Variants in ABCC8 observed in about 807,000 individuals in gnomAD.
ABCC8 encodes ATP binding cassette subfamily C member 8.
Under a neutral mutation model 188.0 loss-of-function variants are expected in ABCC8, and 137 were observed. That is an observed-to-expected ratio of 0.73 (90% CI 0.63 to 0.84). The LOEUF is 0.84. Among genes scored for constraint, ABCC8 ranks in the 40% least tolerant of loss-of-function variants. ABCC8 has a pLI of 0.00. For missense variants in ABCC8, 1,750 were observed against 2,072.7 expected, an observed-to-expected ratio of 0.84 and a Z score of 3.02; for synonymous variants, 797 against 846.5, an observed-to-expected ratio of 0.94 and a Z score of 1.01.
At chr11:17,414,701 A>G in intron 18 of ABCC8, 91 bp from the exon 19 acceptor site, 3 of 1,592,488 alleles carry the variant, frequency 1.9e-6, no homozygotes, top group Non-Finnish European at 2.6e-6. Flanking sequence ...GCTCAGATGG[A>G]GGCAAGGGGA....
At position 17,410,521 on chromosome 11, in the gene ABCC8, C is replaced by A; in HGVS notation, c.2689G>T (p.Asp897Tyr). 1 of 1,614,198 alleles carries A rather than the reference C, an allele frequency of 6.2e-7. No individual in the cohort carries two copies. Among genetic ancestry groups the A allele is most frequent in the Non-Finnish European group, 8.5e-7 (1 of 1,180,030 alleles). The change falls in exon 22 of 39, where the codon GAC (aspartate) becomes TAC (tyrosine). Residue 897 changes from aspartate (D) to tyrosine (Y), a missense_variant. Physicochemically the swap from Asp to Tyr is radical, Grantham distance 160. Coordinates refer to ENST00000389817, the MANE Select transcript of ABCC8 (RefSeq NM_000352.6). The part of the protein sequence containing the change: ...THKLQYLPHA[D>Y]WIIAMKDGTI... The stretch of plus-strand genomic sequence containing the variant: ...ACCCCCTTGTTCCCCCTCACCCAGT[C>A]TGCATGGGGCAGGTACTGTAGCTTG...
intron 12 of ABCC8, chr11:17,428,958 A>G (rs141847915): frequency 7.7e-6 from 4 of 520,678 alleles, no homozygotes; most frequent in African/African-American, 5.7e-5. Context: ...ATTAGACTGA[A>G]GGATGGTTGG....
chr11:17,413,213 G>A (rs1003926201), intron 20 of ABCC8, among the ~76,000 whole-genome samples, 181 bp downstream of exon 20: 7 of 152,230 alleles, frequency 4.6e-5, no homozygotes, highest in African/African-American at 1.7e-4. Flanking sequence ...TGCCCTCCAA[G>A]CAGGACTGAA....
chr11:17,447,739 A>G (rs924473066), intron 8 of ABCC8, among the ~76,000 whole-genome samples: 2 of 152,184 alleles, frequency 1.3e-5, no homozygotes, highest in Non-Finnish European at 2.9e-5. Flanking sequence ...AGCTGGGGCT[A>G]TAGTTGTGAG....
intron 5 of ABCC8, 92 bp downstream of exon 5, chr11:17,461,491 C>G (rs2074317): frequency 9.1e-6 from 14 of 1,540,320 alleles, no homozygotes; most frequent in Non-Finnish European, 1.2e-5. Context: ...TCTTGTCCCA[C>G]CAGGATTTTG....
At chr11:17,399,709 T>C (rs1954136964) in intron 29 of ABCC8, among the ~76,000 whole-genome samples, 1 of 152,222 alleles carries the variant, frequency 6.6e-6, no homozygotes, top group Admixed American at 6.5e-5. Flanking sequence ...GCAAATTCCA[T>C]GAAGATGTTT....
intron 30 of ABCC8, 103 bp downstream of exon 30, chr11:17,398,236 C>G (rs1023696872): frequency 2.1e-6 from 3 of 1,455,950 alleles, no homozygotes; most frequent in Admixed American, 1.9e-5. Context: ...GGTGTCCACA[C>G]GATCTGGTAT....
Position 17,443,202 on chromosome 11 carries a change from C to G in ABCC8, c.1443G>C (p.Leu481=). ...CCAGTGTGCTCCGCTGGGCCTGAGA[C>G]AGCTTGGTGGCCACGAAGTACTGGA... ...APVQYFVATK[L]SQAQRSTLEY... The change falls in exon 9 of 39, where the codon CTG becomes CTC. Residue 481 remains leucine (L), a synonymous_variant. Transcript: ENST00000389817. 1 of 1,614,162 alleles carries G rather than the reference C, an allele frequency of 6.2e-7. No homozygotes were observed.
In ABCC8 at chr11:17,414,499, G is replaced by C. The variant is rs561269917; in HGVS notation, c.2390+13C>G. ...TCCCCTCCACATCCTGCCTCCCTCCGACAGGCTTTTACCGTTGTTTGTTGA... is the reference window on the plus strand; with the variant it reads ...TCCCCTCCACATCCTGCCTCCCTCCCACAGGCTTTTACCGTTGTTTGTTGA... On this transcript the variant is annotated intron_variant, in intron 19 of 38. Transcript: ENST00000389817. 1.2e-6 allele frequency: 2 copies of C among 1,613,926 alleles called. No individual in the cohort carries two copies. The highest frequency in any genetic ancestry group is 1.7e-6 in the Non-Finnish European group (2 of 1,179,922).
chr11:17,461,643 G>A lies in ABCC8; in HGVS notation c.762C>T (p.Pro254=), dbSNP rs2133679286. 2 of 1,614,240 alleles carry A rather than the reference G, an allele frequency of 1.2e-6. No homozygotes were observed. The highest frequency in any genetic ancestry group is 1.1e-5 in the South Asian group (1 of 91,082). Residue 254 remains proline (P), a synonymous_variant, in exon 5 of 39, where the codon CCC becomes CCT. Coordinates refer to ENST00000389817, the MANE Select transcript of ABCC8 (RefSeq NM_000352.6). ...PIDLRAIGKL[P]IAMRALTNYQ... ...AGTTGGTGAGGGCCCTCATGGCGAT[G>A]GGCAGCTTCCCGATGGCTCGCAAGT...
intron 6 of ABCC8, 82 bp from the exon 7 acceptor site, chr11:17,453,365 C>T: frequency 3.8e-6 from 6 of 1,569,472 alleles, no homozygotes; most frequent in Admixed American, 1.8e-5. Context: ...CCATAATGGA[C>T]CACGGCCATC....
intron 26 of ABCC8, 116 bp from the exon 27 acceptor site, chr11:17,405,679 C>A (rs772679163): frequency 1.9e-5 from 30 of 1,561,210 alleles, no homozygotes; most frequent in Non-Finnish European, 2.5e-5. Context: ...ATGGGTCTGG[C>A]ATCCTCTGCC....
At position 17,395,624 on chromosome 11, in the gene ABCC8, GA is replaced by G; in HGVS notation, c.4292del (p.Phe1431SerfsTer29). ...GTGGGGCTCACCGGATGGTGCCGCT[GA>G]AGAGGACGGGGTCCTGCAGGATGAT... Reference protein sequence around the residue: ...LSIILQDPVLFSGTIRFNLDP... With the variant: ...LSIILQDPVLXSGTIRFNLDP... On this transcript the variant is annotated frameshift_variant, in exon 35 of 39. Coordinates refer to ENST00000389817, the MANE Select transcript of ABCC8 (RefSeq NM_000352.6). LOFTEE classifies it high-confidence loss of function. 1 of 1,554,724 alleles carries G rather than the reference GA, an allele frequency of 6.4e-7. No homozygotes were observed.
intron 6 of ABCC8, among the ~76,000 whole-genome samples, chr11:17,454,253 T>A (rs1956914028): frequency 1.3e-5 from 2 of 151,838 alleles, no homozygotes. Flanking sequence ...TTCCCTAGAG[T>A]CAGGGATTCC....
At chr11:17,455,284 T>C (rs1294773965) in intron 6 of ABCC8, among the ~76,000 whole-genome samples, 1 of 152,152 alleles carries the variant, frequency 6.6e-6, no homozygotes, top group Non-Finnish European at 1.5e-5. Flanking sequence ...ACACACACGC[T>C]GTGTTACAAT....
Position 17,397,197 on chromosome 11 carries a change from G to C in ABCC8, c.3984C>G (p.Leu1328=). ...LKTEAESYEG[L]LAPSLIPKNW... is the part of the protein sequence containing the mutation. ...CCCTCTCCCTGAGCCTCTCACCCAG[G>C]AGCCCCTCGTAGCTCTCTGCCTCGG... Residue 1328 remains leucine, a synonymous_variant, in exon 32 of 39, where the codon CTC becomes CTG. Transcript: ENST00000389817. The C allele has an allele frequency of 6.2e-7, 1 of 1,613,640 alleles. No homozygotes were observed. The highest frequency in any genetic ancestry group is 8.5e-7 in the Non-Finnish European group (1 of 1,180,004).
Position 17,435,047 on chromosome 11 carries a change from A to G in ABCC8, c.1631-2803T>C, listed in dbSNP as rs115942975. 2.1e-3 allele frequency among the ~76,000 whole-genome samples: 316 copies of G among 151,636 alleles called. 3 individuals carry two copies. Among genetic ancestry groups the G allele is most frequent in the African/African-American group, 7.1e-3 (295 of 41,308 alleles). ...GCAAGAAAAAGAAATAACCTTTAAT[A>G]TGTTCAATGATAATTTTCTGGATCT... On this transcript the variant is annotated intron_variant, in intron 10 of 38. Coordinates refer to ENST00000389817, the MANE Select transcript of ABCC8 (RefSeq NM_000352.6).
intron 18 of ABCC8, 152 bp downstream of exon 18, chr11:17,415,152 C>T (rs1329138401): frequency 1.9e-6 from 2 of 1,031,818 alleles, no homozygotes; most frequent in Non-Finnish European, 2.9e-6. Flanking sequence ...AGCTCCCGAG[C>T]CACCTGGTGG....
chr11:17,463,789 C>T (rs1329231382), intron 3 of ABCC8, 185 bp from the exon 4 acceptor site: 5 of 223,278 alleles, frequency 2.2e-5, no homozygotes, highest in South Asian at 1.6e-4. Context: ...GACGCACGTA[C>T]GTCTTAACAT....
Sources: allele counts gnomAD v4.1 joint callset (sites outside exome capture counted in the v4.1 genomes callset), GRCh38; gene constraint gnomAD v4.1.1; transcripts MANE v1.5; gene names NCBI Gene and HGNC (gene_info 2026-07-23, HGNC 2026-07-21).